ZFHX4: variants seen among roughly 807,000 people sequenced by gnomAD.
The protein encoded by ZFHX4 is zinc finger homeobox protein 4.
A neutral mutation model predicts 267.6 loss-of-function variants in ZFHX4; 56 were observed. The observed-to-expected ratio is 0.21, with a 90% CI of 0.17 to 0.26. ZFHX4 has a LOEUF of 0.26. ZFHX4 is among the 10% of genes least tolerant of loss of function. The pLI is 1.00. For missense variants in ZFHX4, 4,332 were observed against 4,420.0 expected (o/e 0.98, Z 0.56); for synonymous variants, 1,778 against 1,665.6 (o/e 1.07, Z -1.64).
chr8:76,812,703 A>G (rs2131847550), intron 4 of ZFHX4, among the ~76,000 whole-genome samples: 1 of 152,318 alleles, frequency 6.6e-6, no homozygotes, highest in South Asian at 2.1e-4. Context: ...TTTTAACGTC[A>G]ATGAGTTAAA....
At chr8:76,780,509 T>C (rs942726201) in intron 4 of ZFHX4, among the ~76,000 whole-genome samples, 1 of 152,198 alleles carries the variant, frequency 6.6e-6, no homozygotes, top group Non-Finnish European at 1.5e-5. Context: ...CCCTTGCTAA[T>C]GCTTTTTGGT....
At chr8:76,784,914 G>A (rs1810648336) in intron 4 of ZFHX4, among the ~76,000 whole-genome samples, 2 of 151,960 alleles carry the variant, frequency 1.3e-5, no homozygotes, top group Admixed American at 6.6e-5. Context: ...ATCAGTTGGT[G>A]TCATTAAAAT....
At chr8:76,839,809 T>C (rs971997543) in intron 5 of ZFHX4, among the ~76,000 whole-genome samples, 1 of 152,136 alleles carries the variant, frequency 6.6e-6, no homozygotes, top group African/African-American at 2.4e-5. Flanking sequence ...ATTTTACAAC[T>C]GAGGATACGT....
intron 10 of ZFHX4, 93 bp from the exon 11 acceptor site, chr8:76,863,001 G>A (rs1218319142): frequency 1.4e-6 from 2 of 1,426,530 alleles, no homozygotes; most frequent in African/African-American, 2.9e-5. Context: ...ATATAGCAAT[G>A]TCCTTAGTGA....
intron 4 of ZFHX4, among the ~76,000 whole-genome samples, chr8:76,817,900 T>A (rs1585976334): frequency 6.6e-6 from 1 of 152,314 alleles, no homozygotes; most frequent in East Asian, 1.9e-4. Context: ...TCTGGAAGAT[T>A]CTTCTACTAC....
intron 5 of ZFHX4, among the ~76,000 whole-genome samples, chr8:76,838,089 A>G (rs905824775): frequency 6.6e-6 from 1 of 152,226 alleles, no homozygotes; most frequent in African/African-American, 2.4e-5. Flanking sequence ...TTACACAGTG[A>G]AGAAAAGTTG....
intron 10 of ZFHX4, 64 bp from the exon 11 acceptor site, chr8:76,863,030 G>T: frequency 2.1e-6 from 3 of 1,451,240 alleles, no homozygotes; most frequent in African/African-American, 1.4e-5. Flanking sequence ...TAGGTGTTAA[G>T]CATACAGCCT....
intron 5 of ZFHX4, among the ~76,000 whole-genome samples, chr8:76,835,229 A>ATATATATATG (rs1483224035): frequency 2.2e-5 from 2 of 90,794 alleles, no homozygotes; most frequent in Non-Finnish European, 3.9e-5. Context: ...GTATATATAT[A>ATATATATATG]TATATATATA....
Position 76,808,933 on chromosome 8 carries a change from T to TCA in ZFHX4, c.3326-24386_3326-24385dup, listed in dbSNP as rs1196242716. Among the ~76,000 whole-genome samples the TCA allele has an allele frequency of 9.4e-3, 1,359 of 145,076 alleles. 5 individuals carry two copies. The highest frequency in any genetic ancestry group is 0.011 in the African/African-American group (442 of 38,772). ...CTGTCTCTCTCTCTCTCTCTCTCTC[T>TCA]CACACACACACACACACACAAACAC... On this transcript the variant is annotated intron_variant, in intron 4 of 10. Transcript: ENST00000651372.
Position 76,708,202 on chromosome 8 carries a change from A to G in ZFHX4, c.3093+154A>G, listed in dbSNP as rs768703125. 7.6e-6 allele frequency: 7 copies of G among 918,266 alleles called. No homozygotes were observed. The South Asian group carries it at 9.6e-5, about 13-fold the overall frequency. The allele number at this position is 918,266 out of a possible 1,614,324, so 56.9% of individuals were successfully genotyped here. A position where few individuals can be genotyped will look rare whatever the true frequency, so the allele number is the denominator to read the frequency against. On this transcript the variant is annotated intron_variant, in intron 3 of 10. Transcript: ENST00000651372. ...TTTCTGATTAACATTATAAAAACAT[A>G]TTGAAATATATGGAATTGAAGGCTT...
rs1211417013 is a variant in ZFHX4 at position 76,842,515 on chromosome 8, T to A, written c.3395-140T>A. 1.0e-5 allele frequency: 6 copies of A among 597,376 alleles called. No individual in the cohort carries two copies. The East Asian group carries it at 1.2e-4, about 12-fold the overall frequency. The allele number at this position is 597,376 out of a possible 1,614,324, so 37.0% of individuals were successfully genotyped here. A position where few individuals can be genotyped will look rare whatever the true frequency, so the allele number is the denominator to read the frequency against. On this transcript the variant is annotated intron_variant, in intron 5 of 10. Coordinates refer to ENST00000651372, the MANE Select transcript of ZFHX4 (RefSeq NM_024721.5). ...AGCATGATCAGCATAGACTTTTGCA[T>A]AAATTTGTGTTCTCATTTGAGTATG...
intron 1 of ZFHX4, among the ~76,000 whole-genome samples, chr8:76,698,076 C>A (rs142901188): frequency 6.6e-6 from 1 of 152,144 alleles, no homozygotes; most frequent in African/African-American, 2.4e-5. Flanking sequence ...GGAATACTAG[C>A]AAAACAGTAT....
At chr8:76,827,470 T>A (rs1438538960) in intron 4 of ZFHX4, among the ~76,000 whole-genome samples, 1 of 152,164 alleles carries the variant, frequency 6.6e-6, no homozygotes, top group Non-Finnish European at 1.5e-5. Flanking sequence ...GGTTGATAGA[T>A]GGAAACACAA....
In ZFHX4 at chr8:76,855,977, G is replaced by A. The variant is rs1349995141; in HGVS notation, c.9056G>A (p.Arg3019His). 1.2e-6 allele frequency: 2 copies of A among 1,613,784 alleles called. No homozygotes were observed. The highest frequency in any genetic ancestry group is 1.1e-5 in the South Asian group (1 of 91,084). ...CTCTGCGGGGTGAAGTACTCTGCCC[G>A]CTTGTCCATCAGAGATCACATTTTC... ...CTLCGVKYSA[R>H]LSIRDHIFSK... Residue 3019 changes from arginine (R) to histidine (H), a missense_variant, in exon 10 of 11, where the codon CGC becomes CAC. Coordinates refer to ENST00000651372, the MANE Select transcript of ZFHX4 (RefSeq NM_024721.5).
Position 76,704,568 on chromosome 8 carries a change from C to G in ZFHX4, c.480C>G (p.Leu160=). Reference sequence around the variant, plus strand: ...CACAGACTGGGGCAAATAGCAAACTCTTTTCTACAGCGATGTTCCTGGACT... The same window carrying G: ...CACAGACTGGGGCAAATAGCAAACTGTTTTCTACAGCGATGTTCCTGGACT... ...QNAQTGANSK[L]FSTAMFLDSL... is the part of the protein sequence containing the mutation. Residue 160 remains leucine, a synonymous_variant, in exon 2 of 11, where the codon CTC becomes CTG. Transcript: ENST00000651372. The G allele has an allele frequency of 6.2e-7, 1 of 1,613,944 alleles. No homozygotes were observed. Among genetic ancestry groups the G allele is most frequent in the Non-Finnish European group, 8.5e-7 (1 of 1,179,854 alleles).
chr8:76,706,326 C>G lies in ZFHX4; in HGVS notation c.2238C>G (p.Pro746=). The G allele has an allele frequency of 6.2e-7, 1 of 1,614,088 alleles. No homozygotes were observed. Among genetic ancestry groups the G allele is most frequent in the Non-Finnish European group, 8.5e-7 (1 of 1,179,990 alleles). ...EQVFGHSAPA[P]NTSLSGCGTP... is the part of the protein sequence containing the mutation. ...TGTTTGGCCACTCTGCCCCAGCCCC[C>G]AACACCAGCCTCAGTGGCTGCGGAA... Residue 746 remains proline, a synonymous_variant, in exon 2 of 11, where the codon CCC becomes CCG. Coordinates refer to ENST00000651372, the MANE Select transcript of ZFHX4 (RefSeq NM_024721.5).
rs80195410 is a variant in ZFHX4 at position 76,845,930 on chromosome 8, T to C, written c.3512-3065T>C. 8.5e-5 allele frequency among the ~76,000 whole-genome samples: 13 copies of C among 152,076 alleles called. 1 individual carries two copies. In the East Asian group the frequency reaches 2.5e-3, roughly 29 times the overall value. On this transcript the variant is annotated intron_variant, in intron 6 of 10. Coordinates refer to ENST00000651372, the MANE Select transcript of ZFHX4 (RefSeq NM_024721.5). ...TTTGAGGATATTGTGTTGTCCTCAA[T>C]AACACAAAATAAATTATGATCCTAT...
chr8:76,796,323 A>G (rs1212119399), intron 4 of ZFHX4, among the ~76,000 whole-genome samples: 2 of 152,218 alleles, frequency 1.3e-5, no homozygotes, highest in African/African-American at 4.8e-5. Context: ...GCTGATTTCT[A>G]TAGAATATGT....
At position 76,855,082 on chromosome 8, in the gene ZFHX4, G is replaced by A; in HGVS notation, c.8161G>A (p.Gly2721Arg). 6.2e-7 allele frequency: 1 copy of A among 1,613,868 alleles called. No homozygotes were observed. The highest frequency in any genetic ancestry group is 1.1e-5 in the South Asian group (1 of 91,078). Residue 2721 changes from glycine (G) to arginine (R), a missense_variant, in exon 10 of 11, where the codon GGA (glycine) becomes AGA (arginine). Around this residue, in one of 7 missense-constraint regions of ZFHX4, gnomAD observed 1,648 missense variants for 1,625.0 expected, o/e 1.01. Coordinates refer to ENST00000651372, the MANE Select transcript of ZFHX4 (RefSeq NM_024721.5). ...CCCTTTAATATCCACCGAAGATGGG[G>A]GAGAAAGCCCACAGAAATACATCTA... The part of the protein sequence containing the change: ...PSPLISTEDG[G>R]ESPQKYIYFD...
Sources: gnomAD v4.1 joint callset for allele counts (sites outside exome capture counted in the v4.1 genomes callset) on GRCh38, gnomAD v4.1.1 for gene constraint, gnomAD v4.1.1 regional missense constraint, MANE v1.5 for transcripts, NCBI Gene and HGNC (gene_info 2026-07-23, HGNC 2026-07-21) for gene names.